Variants in VAC14 observed in about 807,000 individuals in gnomAD.
VAC14 encodes the protein protein VAC14 homolog.
In VAC14, 47 loss-of-function variants were observed where a neutral mutation model predicts 85.3. That is an observed-to-expected ratio of 0.55 (90% CI 0.44 to 0.70). VAC14 has a LOEUF of 0.70. VAC14 is among the 30% of genes least tolerant of loss of function. VAC14 has a pLI of 0.00. For missense variants in VAC14, 861 were observed against 1,004.3 expected, an observed-to-expected ratio of 0.86 and a Z score of 1.93; for synonymous variants, 447 against 430.5, an observed-to-expected ratio of 1.04 and a Z score of -0.47.
chr16:70,692,730 A>T (rs1294200308), intron 18 of VAC14, 91 bp downstream of exon 18: 24 of 1,513,094 alleles, frequency 1.6e-5, no homozygotes, highest in Non-Finnish European at 2.1e-5. Flanking sequence ...GGGAGGCCTC[A>T]GCAGCCCCTG....
intron 18 of VAC14, chr16:70,691,873 C>T: frequency 1.0e-6 from 1 of 985,418 alleles, no homozygotes; most frequent in Non-Finnish European, 1.2e-6. Flanking sequence ...TCAAGGCTGC[C>T]TGTGTCCATC....
At chr16:70,794,424 G>T (rs4985368) in intron 1 of VAC14, among the ~76,000 whole-genome samples, 82,961 of 151,990 alleles carry the variant, frequency 0.55, 23,869 homozygotes, top group Admixed American at 0.7. Flanking sequence ...TTAGCATAAT[G>T]TTTTCAAGGG....
chr16:70,696,512 C>CA lies in VAC14; in HGVS notation c.1955+626dup, dbSNP rs577003604. Among the ~76,000 whole-genome samples the CA allele has an allele frequency of 1.2e-3, 185 of 152,294 alleles. 1 individual carries two copies. Among genetic ancestry groups the CA allele is most frequent in the African/African-American group, 4.3e-3 (177 of 41,570 alleles). ...TGGGTGACAAAGCAAGACTCCACCT[C>CA]AAAAAACAAAACATCTAACTCTGGA... On this transcript the variant is annotated intron_variant, in intron 16 of 18. Coordinates refer to ENST00000261776, the MANE Select transcript of VAC14 (RefSeq NM_018052.5).
intron 9 of VAC14, 128 bp downstream of exon 9, chr16:70,780,662 T>C: frequency 2.4e-6 from 3 of 1,245,068 alleles, no homozygotes; most frequent in Non-Finnish European, 2.2e-6. Context: ...GGGTTGCTGC[T>C]ACAATTGTGT....
Position 70,692,804 on chromosome 16 carries a change from C to A in VAC14, c.2186+17G>T. The A allele has an allele frequency of 1.3e-6, 2 of 1,591,014 alleles. No homozygotes were observed. The highest frequency in any genetic ancestry group is 1.1e-5 in the South Asian group (1 of 87,308). On this transcript the variant is annotated intron_variant, in intron 18 of 18. Transcript: ENST00000261776. ...CTGCTCAGGGGGCGGGGGCAGCAGTCCCCAGCCGGCACTCACTCGGTCTGC... is the reference window on the plus strand; with the variant it reads ...CTGCTCAGGGGGCGGGGGCAGCAGTACCCAGCCGGCACTCACTCGGTCTGC...
intron 12 of VAC14, among the ~76,000 whole-genome samples, chr16:70,758,280 C>A (rs1394584824): frequency 6.6e-6 from 1 of 152,166 alleles, no homozygotes; most frequent in African/African-American, 2.4e-5. Context: ...GTTACGCTTT[C>A]TCTTTAAACA....
intron 10 of VAC14, among the ~76,000 whole-genome samples, chr16:70,767,950 T>C (rs1014659682): frequency 1.3e-5 from 2 of 152,144 alleles, no homozygotes; most frequent in Admixed American, 6.5e-5. Context: ...AGTGGTACAA[T>C]CATGACTCAC....
At chr16:70,713,317 C>A (rs769155649) in intron 14 of VAC14, among the ~76,000 whole-genome samples, 1 of 152,232 alleles carries the variant, frequency 6.6e-6, no homozygotes, top group East Asian at 1.9e-4. Flanking sequence ...CTGGCTATGA[C>A]GGGCGCGCTG....
At chr16:70,764,476 G>A (rs968819030) in intron 10 of VAC14, among the ~76,000 whole-genome samples, 7 of 152,114 alleles carry the variant, frequency 4.6e-5, no homozygotes, top group African/African-American at 1.4e-4. Context: ...AGTCTAGGGC[G>A]GTAAACACTG....
intron 1 of VAC14, among the ~76,000 whole-genome samples, chr16:70,792,277 C>T (rs1303094243): frequency 6.6e-6 from 1 of 152,178 alleles, no homozygotes; most frequent in Non-Finnish European, 1.5e-5. Flanking sequence ...TTCAAAAGAC[C>T]ACACTATCCC....
chr16:70,695,968 C>A, intron 16 of VAC14: 1 of 204,934 alleles, frequency 4.9e-6, no homozygotes. Flanking sequence ...AAGCTTGCGG[C>A]ACTGGGCAGT....
chr16:70,726,964 C>T (rs570624734), intron 14 of VAC14, among the ~76,000 whole-genome samples: 3 of 152,176 alleles, frequency 2.0e-5, no homozygotes, highest in Non-Finnish European at 4.4e-5. Context: ...CATGGAGGTG[C>T]GGCCTGGGAA....
intron 9 of VAC14, among the ~76,000 whole-genome samples, chr16:70,776,105 A>G (rs1333376932): frequency 6.6e-6 from 1 of 152,036 alleles, no homozygotes; most frequent in Non-Finnish European, 1.5e-5. Context: ...CTATTGTAGC[A>G]TTTTTTGTTT....
At chr16:70,722,791 T>C (rs1360826053) in intron 14 of VAC14, among the ~76,000 whole-genome samples, 1 of 152,138 alleles carries the variant, frequency 6.6e-6, no homozygotes, top group Non-Finnish European at 1.5e-5. Context: ...CATTTTTTAA[T>C]GATACTGACT....
At chr16:70,723,520 T>G (rs1159147909) in intron 14 of VAC14, among the ~76,000 whole-genome samples, 1 of 152,242 alleles carries the variant, frequency 6.6e-6, no homozygotes, top group East Asian at 1.9e-4. Context: ...TGTTAATTAA[T>G]GAAGCTGCTG....
intron 13 of VAC14, 139 bp from the exon 14 acceptor site, chr16:70,731,766 T>G: frequency 2.1e-6 from 2 of 957,188 alleles, no homozygotes; most frequent in Non-Finnish European, 1.5e-6. Context: ...GGAAAATCTC[T>G]AATCAAGAGC....
chr16:70,759,997 C>T (rs2032191372), intron 12 of VAC14, among the ~76,000 whole-genome samples: 1 of 152,212 alleles, frequency 6.6e-6, no homozygotes, highest in African/African-American at 2.4e-5. Flanking sequence ...CCGCAGAGAA[C>T]CGTCGTGAGG....
chr16:70,793,609 T>C (rs1189756536), intron 1 of VAC14, among the ~76,000 whole-genome samples: 2 of 152,218 alleles, frequency 1.3e-5, no homozygotes, highest in Non-Finnish European at 2.9e-5. Context: ...TCCAATCCCA[T>C]GTCATTTGGT....
At chr16:70,782,046 G>A (rs755787263) in intron 7 of VAC14, 43 bp from the exon 8 acceptor site, 1 of 1,601,112 alleles carries the variant, frequency 6.2e-7, no homozygotes, top group Non-Finnish European at 8.5e-7. Context: ...AGCACACGCA[G>A]CCCGAGTGCT....
Sources: allele counts gnomAD v4.1 joint callset (sites outside exome capture counted in the v4.1 genomes callset), GRCh38; gene constraint gnomAD v4.1.1; transcripts MANE v1.5; gene names NCBI Gene and HGNC (gene_info 2026-07-23, HGNC 2026-07-21).